The following TTC27 variants were observed in gnomAD, a reference collection of about 807,000 sequenced individuals.
TTC27 encodes the protein tetratricopeptide repeat protein 27.
TTC27 carries 79 observed loss-of-function variants against 115.9 expected under a neutral mutation model. The ratio of observed to expected loss-of-function variants is 0.68; its 90% CI spans 0.57 to 0.82. The LOEUF (loss-of-function observed/expected upper bound fraction) is 0.82. Among genes scored for constraint, TTC27 ranks in the 40% least tolerant of loss-of-function variants. TTC27 has a pLI of 0.00. For missense variants in TTC27, 1,054 were observed against 993.1 expected (o/e 1.06, Z -0.82); for synonymous variants, 401 against 356.0 (o/e 1.13, Z -1.42).
intron 16 of TTC27, among the ~76,000 whole-genome samples, chr2:32,810,800 C>T (rs116433241): frequency 6.6e-6 from 1 of 152,140 alleles, no homozygotes; most frequent in South Asian, 2.1e-4. Context: ...AGAACCCTCT[C>T]TGGAAGCTTT....
intron 10 of TTC27, among the ~76,000 whole-genome samples, chr2:32,703,440 C>A (rs1327226864): frequency 2.0e-5 from 3 of 152,172 alleles, no homozygotes; most frequent in African/African-American, 7.2e-5. Context: ...GCACTCCAGT[C>A]TGGGCGACAA....
At chr2:32,782,020 T>C (rs1670195225) in intron 14 of TTC27, among the ~76,000 whole-genome samples, 1 of 152,196 alleles carries the variant, frequency 6.6e-6, no homozygotes, top group African/African-American at 2.4e-5. Context: ...TATACTATAT[T>C]AGATGAAAAG....
In TTC27 at chr2:32,755,563, G is replaced by A. The variant is rs140614460; in HGVS notation, c.1453-2729G>A. 9.1e-3 allele frequency among the ~76,000 whole-genome samples: 1,390 copies of A among 152,178 alleles called. 12 individuals carry two copies. Among genetic ancestry groups the A allele is most frequent in the Middle Eastern group, 0.021 (6 of 290 alleles). ...GTCCAGCTTCGGCTCGGCATCAGAG[G>A]GAGACCTTGGAAAGAGAGGGAGAGG... is the stretch of plus-strand genomic sequence containing the variant. On this transcript the variant is annotated intron_variant, in intron 12 of 19. Transcript: ENST00000317907.
intron 5 of TTC27, among the ~76,000 whole-genome samples, chr2:32,661,250 G>A (rs981819066): frequency 4.6e-5 from 7 of 152,010 alleles, no homozygotes; most frequent in Admixed American, 3.9e-4. Context: ...TTGGCTATAC[G>A]GGCTCTTTTT....
In TTC27 at chr2:32,767,812, G is replaced by T. The variant is rs188276585; in HGVS notation, c.1680+9293G>T. On this transcript the variant is annotated intron_variant, in intron 13 of 19. Transcript: ENST00000317907. Reference sequence around the variant, plus strand: ...TAGAATTAAAAATATGTTCTATTTAGCAGAAGTTGCTCTGAGCTTACCAGG... The same window carrying T: ...TAGAATTAAAAATATGTTCTATTTATCAGAAGTTGCTCTGAGCTTACCAGG... Among the ~76,000 whole-genome samples, 724 of 152,232 alleles carry T rather than the reference G, an allele frequency of 4.8e-3. 4 individuals are homozygous for T. Among genetic ancestry groups the T allele is most frequent in the Non-Finnish European group, 8.8e-3 (597 of 68,014 alleles).
chr2:32,790,932 G>C (rs895356963), intron 16 of TTC27, among the ~76,000 whole-genome samples: 1 of 152,132 alleles, frequency 6.6e-6, no homozygotes, highest in South Asian at 2.1e-4. Flanking sequence ...TTACCTATTA[G>C]AATATCTCTT....
At chr2:32,685,269 A>G (rs770551025) in intron 9 of TTC27, among the ~76,000 whole-genome samples, 1 of 152,048 alleles carries the variant, frequency 6.6e-6, no homozygotes, top group Non-Finnish European at 1.5e-5. Flanking sequence ...ACCTCAGGTG[A>G]TCTGCACTTC....
At chr2:32,791,118 A>C (rs952544624) in intron 16 of TTC27, among the ~76,000 whole-genome samples, 5 of 152,204 alleles carry the variant, frequency 3.3e-5, no homozygotes, top group African/African-American at 9.6e-5. Context: ...TCTATCATAA[A>C]ACTGATTTTC....
At chr2:32,697,003 C>T (rs922794809) in intron 9 of TTC27, among the ~76,000 whole-genome samples, 1 of 152,028 alleles carries the variant, frequency 6.6e-6, no homozygotes, top group Non-Finnish European at 1.5e-5. Context: ...GTTCGAGACC[C>T]GCCTGGGTGA....
chr2:32,684,037 A>G (rs1249113788), intron 9 of TTC27, among the ~76,000 whole-genome samples: 1 of 152,162 alleles, frequency 6.6e-6, no homozygotes, highest in African/African-American at 2.4e-5. Context: ...GCTCGCCTAT[A>G]ATCCCAGCTA....
At chr2:32,769,315 G>A (rs970009448) in intron 13 of TTC27, among the ~76,000 whole-genome samples, 7 of 152,210 alleles carry the variant, frequency 4.6e-5, no homozygotes, top group Admixed American at 2.0e-4. Context: ...TAGTGATAAA[G>A]TGCAGAGGGC....
chr2:32,800,386 T>G (rs969654157), intron 16 of TTC27, among the ~76,000 whole-genome samples: 2 of 152,220 alleles, frequency 1.3e-5, no homozygotes, highest in Non-Finnish European at 2.9e-5. Flanking sequence ...TTTCACCATG[T>G]TGGCCAGGCT....
chr2:32,797,321 A>T (rs1307363829), intron 16 of TTC27, among the ~76,000 whole-genome samples: 1 of 152,002 alleles, frequency 6.6e-6, no homozygotes, highest in Non-Finnish European at 1.5e-5. Flanking sequence ...CTAGGACCAC[A>T]GGAGCATGCC....
chr2:32,755,200 C>T (rs1210642537), intron 12 of TTC27, among the ~76,000 whole-genome samples: 1 of 152,178 alleles, frequency 6.6e-6, no homozygotes, highest in Non-Finnish European at 1.5e-5. Context: ...GCAGAGGCTG[C>T]AATCTCGGCA....
At position 32,655,049 on chromosome 2, in the gene TTC27, C is replaced by T. The variant is rs563385920; in HGVS notation, c.640+4816C>T. 9.3e-5 allele frequency among the ~76,000 whole-genome samples: 14 copies of T among 151,104 alleles called. No individual in the cohort carries two copies. The South Asian group carries it at 1.0e-3, about 11-fold the overall frequency. On this transcript the variant is annotated intron_variant, in intron 5 of 19. Coordinates refer to ENST00000317907, the MANE Select transcript of TTC27 (RefSeq NM_017735.5). ...TGTCACCCAGGCTGGAGTGCAATGGCGTGACCTCGGCTCAACTCAACCTCT... is the reference window on the plus strand; with the variant it reads ...TGTCACCCAGGCTGGAGTGCAATGGTGTGACCTCGGCTCAACTCAACCTCT...
chr2:32,687,215 T>C lies in TTC27; in HGVS notation c.1119+8293T>C, dbSNP rs539669000. On this transcript the variant is annotated intron_variant, in intron 9 of 19. Transcript: ENST00000317907. ...CAAGTGATCCTATGTGGTTGCAAAGTTTCTACATTTTATGTGAAGGATTAC... is the reference window on the plus strand; with the variant it reads ...CAAGTGATCCTATGTGGTTGCAAAGCTTCTACATTTTATGTGAAGGATTAC... Among the ~76,000 whole-genome samples the C allele has an allele frequency of 1.1e-3, 168 of 152,330 alleles. 1 individual carries two copies. Among genetic ancestry groups the C allele is most frequent in the African/African-American group, 3.9e-3 (161 of 41,574 alleles).
At chr2:32,732,790 C>T (rs1668332171) in intron 10 of TTC27, among the ~76,000 whole-genome samples, 1 of 152,104 alleles carries the variant, frequency 6.6e-6, no homozygotes, top group Non-Finnish European at 1.5e-5. Context: ...TGCATAATAA[C>T]ATCAGGAAAT....
At chr2:32,695,674 G>A (rs139654274) in intron 9 of TTC27, among the ~76,000 whole-genome samples, 1,794 of 137,632 alleles carry the variant, frequency 0.013, 42 homozygotes, top group African/African-American at 0.046. Flanking sequence ...AGCTGAGATC[G>A]CGCCACCACA....
intron 12 of TTC27, among the ~76,000 whole-genome samples, chr2:32,743,073 T>C (rs753265965): frequency 1.3e-5 from 2 of 152,160 alleles, no homozygotes; most frequent in Non-Finnish European, 2.9e-5. Context: ...GTTGGTGCCA[T>C]CTCTGGGTCT....
Sources: gnomAD v4.1 joint callset for allele counts (sites outside exome capture counted in the v4.1 genomes callset) on GRCh38, gnomAD v4.1.1 for gene constraint, MANE v1.5 for transcripts, NCBI Gene and HGNC (gene_info 2026-07-23, HGNC 2026-07-21) for gene names.